PHACTR3: variants seen among roughly 807,000 people sequenced by gnomAD.
PHACTR3 encodes phosphatase and actin regulator 3.
Under a neutral mutation model 66.8 loss-of-function variants are expected in PHACTR3, and 16 were observed. That is an observed-to-expected ratio of 0.24 (90% CI 0.16 to 0.36). PHACTR3 has a LOEUF of 0.36. Among genes scored for constraint, PHACTR3 ranks in the 10% least tolerant of loss-of-function variants. PHACTR3 has a pLI of 1.00. For synonymous variants in PHACTR3, 323 were observed against 292.1 expected (o/e 1.11, Z -1.08); for missense variants, 647 against 719.9 (o/e 0.90, Z 1.16).
At chr20:59,654,871 AT>A (rs1391591258) in intron 1 of PHACTR3, among the ~76,000 whole-genome samples, 1 of 151,810 alleles carries the variant, frequency 6.6e-6, no homozygotes, top group Non-Finnish European at 1.5e-5. Flanking sequence ...TGAACATAAT[AT>A]TTTAGAAATT....
intron 7 of PHACTR3, among the ~76,000 whole-genome samples, chr20:59,802,257 T>C (rs1436321083): frequency 6.6e-6 from 1 of 152,108 alleles, no homozygotes; most frequent in Non-Finnish European, 1.5e-5. Context: ...CTTAGTGTCA[T>C]GGGACACAGG....
Position 59,738,377 on chromosome 20 carries a change from T to A in PHACTR3, c.119-4730T>A, listed in dbSNP as rs1283183692. On this transcript the variant is annotated intron_variant, in intron 1 of 12. Transcript: ENST00000371015. The surrounding 1 kb of genome is among the most constrained non-coding windows in gnomAD (Gnocchi z 4.4). ...ACAGAGAGCTGCACAAGTTTAGTGA[T>A]TAACTTGGATTTTGTCCTAAATGAG... 7.0e-6 allele frequency among the ~76,000 whole-genome samples: 1 copy of A among 142,388 alleles called. No individual in the cohort carries two copies. Among genetic ancestry groups the A allele is most frequent in the Non-Finnish European group, 1.5e-5 (1 of 65,734 alleles). 93.4% of individuals were successfully genotyped at this position (142,388 alleles called of 152,430 possible). A position where few individuals can be genotyped will look rare whatever the true frequency, so the allele number is the denominator to read the frequency against.
chr20:59,700,612 A>G (rs1338460339), intron 1 of PHACTR3, among the ~76,000 whole-genome samples: 1 of 152,212 alleles, frequency 6.6e-6, no homozygotes, highest in East Asian at 1.9e-4. Context: ...GGTTCAAGCC[A>G]TGTTTACACT....
intron 7 of PHACTR3, among the ~76,000 whole-genome samples, chr20:59,778,418 C>T (rs1182500): frequency 0.59 from 89,595 of 152,088 alleles, 28,869 homozygotes; most frequent in Non-Finnish European, 0.71. Context: ...CCAACCACAG[C>T]CCCTGAGACT....
In PHACTR3 at chr20:59,729,273, A is replaced by G. The variant is rs1190315337; in HGVS notation, c.119-13834A>G. Among the ~76,000 whole-genome samples the G allele has an allele frequency of 2.0e-5, 3 of 152,176 alleles. No homozygotes were observed. In the East Asian group the frequency reaches 5.8e-4, roughly 29 times the overall value. The stretch of plus-strand genomic sequence containing the variant: ...GGCAGGGCGGATGTAGCAAAGTCAC[A>G]TTGTCCTGAGTGACCATTCACTTGG... On this transcript the variant is annotated intron_variant, in intron 1 of 12. Transcript: ENST00000371015.
chr20:59,606,119 T>C (rs925771781), intron 1 of PHACTR3, among the ~76,000 whole-genome samples: 7 of 152,206 alleles, frequency 4.6e-5, no homozygotes, highest in African/African-American at 1.7e-4. Flanking sequence ...TGAAGACTTA[T>C]TCTCTCTAAA....
chr20:59,684,340 A>T (rs2036776728), intron 1 of PHACTR3, among the ~76,000 whole-genome samples: 1 of 152,208 alleles, frequency 6.6e-6, no homozygotes, highest in South Asian at 2.1e-4. Flanking sequence ...TTGCAGAATG[A>T]AGCAGCAAAG....
intron 3 of PHACTR3, among the ~76,000 whole-genome samples, chr20:59,753,220 G>A (rs1241751975): frequency 6.6e-6 from 1 of 152,112 alleles, no homozygotes; most frequent in East Asian, 1.9e-4. Context: ...CGTCACAATG[G>A]CCATCTGCGC....
intron 1 of PHACTR3, among the ~76,000 whole-genome samples, chr20:59,629,809 G>A (rs1047864190): frequency 3.9e-5 from 6 of 152,212 alleles, no homozygotes; most frequent in African/African-American, 1.4e-4. Flanking sequence ...TGTCGTGCTT[G>A]TCAAGACAGC....
intron 1 of PHACTR3, among the ~76,000 whole-genome samples, chr20:59,679,465 T>G (rs957427688): frequency 1.3e-5 from 2 of 152,204 alleles, no homozygotes; most frequent in Non-Finnish European, 2.9e-5. Context: ...TAACAAACAT[T>G]GTATTAACAT....
chr20:59,759,919 A>G (rs749634663), intron 4 of PHACTR3, among the ~76,000 whole-genome samples: 3 of 152,092 alleles, frequency 2.0e-5, no homozygotes, highest in Non-Finnish European at 2.9e-5. Flanking sequence ...GTTCAGGGAA[A>G]CCTCATGGGG....
intron 1 of PHACTR3, among the ~76,000 whole-genome samples, chr20:59,689,611 A>G (rs546400040): frequency 1.3e-5 from 2 of 152,306 alleles, no homozygotes; most frequent in African/African-American, 4.8e-5. Flanking sequence ...CAGTGAAACA[A>G]TATTGAACCC....
At chr20:59,767,615 T>C (rs765340252) in intron 5 of PHACTR3, among the ~76,000 whole-genome samples, 6 of 152,112 alleles carry the variant, frequency 3.9e-5, no homozygotes, top group Non-Finnish European at 8.8e-5. Flanking sequence ...GAGGAGTAGA[T>C]CTTACCAAGG....
At chr20:59,784,099 G>T (rs1426694554) in intron 7 of PHACTR3, among the ~76,000 whole-genome samples, 2 of 152,130 alleles carry the variant, frequency 1.3e-5, no homozygotes, top group Non-Finnish European at 2.9e-5. Context: ...GACTTTAAGG[G>T]GCTTTGAGTG....
At chr20:59,755,466 T>G in intron 4 of PHACTR3, 102 bp downstream of exon 4, 2 of 1,307,066 alleles carry the variant, frequency 1.5e-6, no homozygotes, top group Non-Finnish European at 2.1e-6. Context: ...TCGTAGAACA[T>G]TGTTCTCCAG....
At chr20:59,672,973 G>A (rs550626185) in intron 1 of PHACTR3, among the ~76,000 whole-genome samples, 1 of 152,324 alleles carries the variant, frequency 6.6e-6, no homozygotes, top group African/African-American at 2.4e-5. Flanking sequence ...TTGGAGAGAG[G>A]CCCTGGACAC....
At chr20:59,702,046 C>G (rs1048334164) in intron 1 of PHACTR3, among the ~76,000 whole-genome samples, 11 of 152,284 alleles carry the variant, frequency 7.2e-5, no homozygotes, top group African/African-American at 2.6e-4. Context: ...TAGCTCATTT[C>G]TTTTTATTGT....
rs1257572848 is a variant in PHACTR3 at position 59,829,027 on chromosome 20, G to A, written c.1329-7478G>A. Among the ~76,000 whole-genome samples the A allele has an allele frequency of 1.3e-5, 2 of 152,116 alleles. No individual in the cohort carries two copies. On this transcript the variant is annotated intron_variant, in intron 8 of 12. Transcript: ENST00000371015. This position sits in a 1 kb window ranked among gnomAD's most constrained non-coding sequence, Gnocchi z 4.2. The stretch of plus-strand genomic sequence containing the variant: ...CTGGGGTGTTGGACGTAGGGAGTAA[G>A]AGGAGCCAGTTCTCCCAGGGGTCTG...
chr20:59,586,525 AT>A (rs199713814), intron 1 of PHACTR3, among the ~76,000 whole-genome samples: 6,687 of 146,222 alleles, frequency 0.046, 332 homozygotes, highest in Admixed American at 0.14. Flanking sequence ...AATTAACTCC[AT>A]TTTTTTTTTT....
Sources: allele counts gnomAD v4.1 joint callset (sites outside exome capture counted in the v4.1 genomes callset), GRCh38; gene constraint gnomAD v4.1.1; non-coding constraint Gnocchi (gnomAD v3.1); transcripts MANE v1.5; gene names NCBI Gene and HGNC (gene_info 2026-07-23, HGNC 2026-07-21).